The following PRIM2 variants were observed in gnomAD, a reference collection of about 807,000 sequenced individuals.
PRIM2 encodes the protein DNA primase subunit 2.
Under a neutral mutation model 67.3 loss-of-function variants are expected in PRIM2, and 39 were observed. The observed-to-expected ratio is 0.58, with a 90% CI of 0.45 to 0.76. The LOEUF (loss-of-function observed/expected upper bound fraction) is 0.76. Among genes scored for constraint, PRIM2 ranks in the 30% least tolerant of loss-of-function variants. PRIM2 has a pLI of 0.00. For missense variants in PRIM2, 398 were observed against 598.7 expected, an observed-to-expected ratio of 0.66 and a Z score of 3.50; for synonymous variants, 143 against 198.7, an observed-to-expected ratio of 0.72 and a Z score of 2.36.
the PRIM2 span, among the ~76,000 whole-genome samples, chr6:57,296,301 G>A: frequency 1.3e-5 from 2 of 151,984 alleles, no homozygotes; most frequent in Non-Finnish European, 2.9e-5. Flanking sequence ...TTTCACAGGG[G>A]TATGAAATGG....
chr6:57,570,611 G>A (rs1202363890), intron 10 of PRIM2, among the ~76,000 whole-genome samples: 2 of 152,150 alleles, frequency 1.3e-5, no homozygotes, highest in African/African-American at 4.8e-5. Context: ...TAATAAAAAA[G>A]TATCAAGTGG....
intron 8 of PRIM2, among the ~76,000 whole-genome samples, chr6:57,522,524 TA>T (rs1405487322): frequency 6.6e-6 from 1 of 152,218 alleles, no homozygotes; most frequent in Non-Finnish European, 1.5e-5. Flanking sequence ...TTTATTTATT[TA>T]TTTTTTTAAG....
chr6:57,610,512 A>T (rs1282927789), intron 12 of PRIM2, among the ~76,000 whole-genome samples: 1 of 152,098 alleles, frequency 6.6e-6, no homozygotes, highest in Non-Finnish European at 1.5e-5. Flanking sequence ...AATATGTTAC[A>T]AAATCACTGA....
At chr6:57,263,708 T>A in the PRIM2 span, among the ~76,000 whole-genome samples, 2 of 152,214 alleles carry the variant, frequency 1.3e-5, no homozygotes, top group Admixed American at 1.3e-4. Context: ...ATTTTAAAAT[T>A]GAATAGCAGC....
At chr6:57,601,955 C>T in intron 11 of PRIM2, among the ~76,000 whole-genome samples, 1 of 151,762 alleles carries the variant, frequency 6.6e-6, no homozygotes, top group East Asian at 1.9e-4. Flanking sequence ...TCTATGTGAC[C>T]AAATCATTAA....
chr6:57,617,063 C>T (rs1477205763), intron 12 of PRIM2, among the ~76,000 whole-genome samples: 1 of 152,206 alleles, frequency 6.6e-6, no homozygotes, highest in Non-Finnish European at 1.5e-5. Context: ...ATTTATCTCA[C>T]AGTTTTGGAA....
chr6:57,276,292 A>G, the PRIM2 span, among the ~76,000 whole-genome samples: 3 of 152,088 alleles, frequency 2.0e-5, no homozygotes, highest in Non-Finnish European at 4.4e-5. Context: ...TGGGAGGCGG[A>G]GGCATGAGAA....
chr6:57,278,789 A>G, the PRIM2 span, among the ~76,000 whole-genome samples: 1 of 152,118 alleles, frequency 6.6e-6, no homozygotes, highest in Non-Finnish European at 1.5e-5. Flanking sequence ...CGTGTCCAGC[A>G]GTTGGGGAGG....
the PRIM2 span, among the ~76,000 whole-genome samples, chr6:57,276,388 CAAATA>C: frequency 6.6e-6 from 1 of 151,198 alleles, no homozygotes; most frequent in African/African-American, 2.4e-5. Flanking sequence ...GAGACTGTCT[CAAATA>C]AAATAAAATA....
intron 7 of PRIM2, among the ~76,000 whole-genome samples, chr6:57,487,111 C>G (rs2127407920): frequency 6.6e-6 from 1 of 152,238 alleles, no homozygotes; most frequent in Non-Finnish European, 1.5e-5. Context: ...AACAATTCCC[C>G]TAGAAAGTTA....
chr6:57,224,276 A>C, the PRIM2 span, among the ~76,000 whole-genome samples: 1 of 152,202 alleles, frequency 6.6e-6, no homozygotes, highest in Non-Finnish European at 1.5e-5. Context: ...TAAAAGAGAG[A>C]GAGGGAAATT....
chr6:57,225,071 C>T, the PRIM2 span, among the ~76,000 whole-genome samples: 14 of 152,300 alleles, frequency 9.2e-5, no homozygotes, highest in East Asian at 2.1e-3. Context: ...CAATTTACCA[C>T]CTTCACAAGT....
chr6:57,489,908 A>G (rs1773851149), intron 7 of PRIM2, among the ~76,000 whole-genome samples: 1 of 151,564 alleles, frequency 6.6e-6, no homozygotes, highest in Admixed American at 6.6e-5. Flanking sequence ...CAATCAGGAG[A>G]AGCAAAATTG....
At chr6:57,479,752 T>G (rs1449884893) in intron 7 of PRIM2, among the ~76,000 whole-genome samples, 3 of 152,178 alleles carry the variant, frequency 2.0e-5, no homozygotes, top group Non-Finnish European at 4.4e-5. Flanking sequence ...AGAGTGTGTA[T>G]GTGTTGTGGT....
intron 3 of PRIM2, 80 bp downstream of exon 3, chr6:57,320,640 A>G (rs1767623669): frequency 2.4e-6 from 2 of 847,054 alleles, no homozygotes; most frequent in Non-Finnish European, 1.8e-6. Flanking sequence ...AAGATATTAT[A>G]TTAGGCACTG....
chr6:57,324,255 AT>A lies in PRIM2; in HGVS notation c.317del (p.Leu106CysfsTer39). On this transcript the variant is annotated frameshift_variant, in exon 4 of 14. Transcript: ENST00000615550. LOFTEE classifies it high-confidence loss of function. ...AAGAAGAGATCATATTTCTCATTTT[AT>A]TTTGCGGCTTGCTTATTGCCAGTCG... ...PRRRDHISHF[I>X]LRLAYCQSEE... 6.2e-7 allele frequency: 1 copy of A among 1,604,940 alleles called. No individual in the cohort carries two copies. The highest frequency in any genetic ancestry group is 8.5e-7 in the Non-Finnish European group (1 of 1,174,270).
chr6:57,536,673 T>C (rs1359336978), intron 9 of PRIM2, among the ~76,000 whole-genome samples: 13 of 152,246 alleles, frequency 8.5e-5, no homozygotes, highest in African/African-American at 2.9e-4. Flanking sequence ...AATGAGCTTA[T>C]ATACAACTTA....
At chr6:57,553,639 T>C (rs1364094582) in intron 10 of PRIM2, among the ~76,000 whole-genome samples, 1 of 151,834 alleles carries the variant, frequency 6.6e-6, no homozygotes, top group Admixed American at 6.6e-5. Context: ...TTTCCTGTTA[T>C]GCTTGCTGTA....
intron 12 of PRIM2, among the ~76,000 whole-genome samples, chr6:57,613,490 G>A (rs1776701520): frequency 6.6e-6 from 1 of 152,186 alleles, no homozygotes; most frequent in African/African-American, 2.4e-5. Context: ...ATGACTGCAA[G>A]GTCTTTGGGT....
Sources: allele counts gnomAD v4.1 joint callset (sites outside exome capture counted in the v4.1 genomes callset), GRCh38; gene constraint gnomAD v4.1.1; transcripts MANE v1.5; gene names NCBI Gene and HGNC (gene_info 2026-07-23, HGNC 2026-07-21).